HS6ST3: variants seen among roughly 807,000 people sequenced by gnomAD.
HS6ST3 encodes the protein heparan-sulfate 6-O-sulfotransferase 3.
Under a neutral mutation model 36.7 loss-of-function variants are expected in HS6ST3, and 12 were observed. The observed-to-expected ratio is 0.33, with a 90% CI of 0.21 to 0.53. The LOEUF (loss-of-function observed/expected upper bound fraction) is 0.53. HS6ST3 is among the 20% of genes least tolerant of loss of function. The pLI is 0.95. For missense variants in HS6ST3, 584 were observed against 640.9 expected (o/e 0.91, Z 0.96); for synonymous variants, 240 against 257.5 (o/e 0.93, Z 0.65).
chr13:96,718,167 C>A (rs971403145), intron 1 of HS6ST3, among the ~76,000 whole-genome samples: 1 of 152,268 alleles, frequency 6.6e-6, no homozygotes, highest in Middle Eastern at 3.4e-3. Flanking sequence ...GTACTTATTG[C>A]AGTGATTATT....
chr13:96,347,313 T>G (rs767306136), intron 1 of HS6ST3, among the ~76,000 whole-genome samples: 4 of 152,238 alleles, frequency 2.6e-5, no homozygotes, highest in Non-Finnish European at 5.9e-5. Flanking sequence ...CATATGGAGT[T>G]GCCAACAAAA....
At chr13:96,281,585 C>T (rs145312662) in intron 1 of HS6ST3, among the ~76,000 whole-genome samples, 1 of 152,118 alleles carries the variant, frequency 6.6e-6, no homozygotes, top group Non-Finnish European at 1.5e-5. Flanking sequence ...CATACTGTCA[C>T]CAGTCTGAAG....
chr13:96,557,623 T>C (rs2056245976), intron 1 of HS6ST3, among the ~76,000 whole-genome samples: 1 of 152,186 alleles, frequency 6.6e-6, no homozygotes, highest in Non-Finnish European at 1.5e-5. Flanking sequence ...ATATCTACAC[T>C]GAGGTCTCAT....
intron 1 of HS6ST3, among the ~76,000 whole-genome samples, chr13:96,097,614 T>C (rs1269397262): frequency 2.0e-5 from 3 of 152,046 alleles, no homozygotes; most frequent in East Asian, 1.9e-4. Flanking sequence ...TAATCACTTA[T>C]CTTGTTTTTG....
Position 96,712,495 on chromosome 13 carries a change from A to T in HS6ST3, c.708-119995A>T, listed in dbSNP as rs113344890. On this transcript the variant is annotated intron_variant, in intron 1 of 1. Transcript: ENST00000376705. Reference sequence around the variant, plus strand: ...ACTGAAGCAAAAGCATAGGGTCTCTATTATTCCAGGGTGGGGGTTCAAAGG... The same window carrying T: ...ACTGAAGCAAAAGCATAGGGTCTCTTTTATTCCAGGGTGGGGGTTCAAAGG... 7.5e-4 allele frequency among the ~76,000 whole-genome samples: 114 copies of T among 152,264 alleles called. 2 individuals carry two copies. The highest frequency in any genetic ancestry group is 2.6e-3 in the African/African-American group (108 of 41,564).
chr13:96,175,099 C>T (rs1197903162), intron 1 of HS6ST3, among the ~76,000 whole-genome samples: 1 of 152,148 alleles, frequency 6.6e-6, no homozygotes, highest in Non-Finnish European at 1.5e-5. Flanking sequence ...CTTAATTAGT[C>T]TTACCGTTTC....
At chr13:96,598,391 T>G (rs1187257018) in intron 1 of HS6ST3, among the ~76,000 whole-genome samples, 1 of 152,116 alleles carries the variant, frequency 6.6e-6, no homozygotes, top group Non-Finnish European at 1.5e-5. Flanking sequence ...TTTTACCTTC[T>G]TGGTTAGATA....
At chr13:96,804,673 A>G (rs1878156022) in intron 1 of HS6ST3, among the ~76,000 whole-genome samples, 1 of 151,886 alleles carries the variant, frequency 6.6e-6, no homozygotes. Context: ...CCTTCAGTGC[A>G]GTTTCTGTGC....
intron 1 of HS6ST3, among the ~76,000 whole-genome samples, chr13:96,181,803 A>C (rs2054241212): frequency 6.6e-6 from 1 of 152,204 alleles, no homozygotes; most frequent in South Asian, 2.1e-4. Context: ...CTAAACTAAA[A>C]AGAGCGTTTT....
At chr13:96,436,762 A>G (rs2055644658) in intron 1 of HS6ST3, among the ~76,000 whole-genome samples, 1 of 152,226 alleles carries the variant, frequency 6.6e-6, no homozygotes, top group East Asian at 1.9e-4. Context: ...CAAGAACTGT[A>G]TGGGCTGGCA....
chr13:96,523,699 T>C (rs936496054), intron 1 of HS6ST3, among the ~76,000 whole-genome samples: 1 of 152,188 alleles, frequency 6.6e-6, no homozygotes, highest in Non-Finnish European at 1.5e-5. Context: ...GTTCTTGTAC[T>C]GTGTTTTTCA....
At chr13:96,201,486 G>A (rs1419032564) in intron 1 of HS6ST3, among the ~76,000 whole-genome samples, 1 of 152,166 alleles carries the variant, frequency 6.6e-6, no homozygotes. Context: ...GGAGAGTTAT[G>A]TTTTCTGCCA....
At chr13:96,185,177 A>G (rs2054259587) in intron 1 of HS6ST3, among the ~76,000 whole-genome samples, 1 of 152,190 alleles carries the variant, frequency 6.6e-6, no homozygotes, top group African/African-American at 2.4e-5. Flanking sequence ...AGAGTCAGCC[A>G]TTTACCAATT....
At chr13:96,331,421 C>G (rs867749232) in intron 1 of HS6ST3, among the ~76,000 whole-genome samples, 6 of 152,146 alleles carry the variant, frequency 3.9e-5, no homozygotes, top group South Asian at 2.1e-4. Context: ...AGCTGCAGGT[C>G]TGTTGGAATA....
intron 1 of HS6ST3, among the ~76,000 whole-genome samples, chr13:96,658,824 G>A (rs900842583): frequency 4.6e-5 from 7 of 152,050 alleles, no homozygotes; most frequent in Non-Finnish European, 7.4e-5. Flanking sequence ...TCGTGCCTCA[G>A]CCTCCCAACT....
intron 1 of HS6ST3, among the ~76,000 whole-genome samples, chr13:96,716,615 C>T (rs1000372715): frequency 4.6e-5 from 7 of 151,640 alleles, no homozygotes; most frequent in African/African-American, 1.7e-4. Flanking sequence ...ATCTATCAAT[C>T]ATCTATCATC....
intron 1 of HS6ST3, among the ~76,000 whole-genome samples, chr13:96,750,107 T>C (rs185200235): frequency 8.0e-4 from 122 of 152,282 alleles, no homozygotes; most frequent in Non-Finnish European, 1.2e-3. Context: ...ACAAGTGAAA[T>C]AATCAAAAGT....
At chr13:96,494,881 C>T (rs922112090) in intron 1 of HS6ST3, among the ~76,000 whole-genome samples, 3 of 152,126 alleles carry the variant, frequency 2.0e-5, no homozygotes, top group African/African-American at 2.4e-5. Flanking sequence ...TCCTTTGAAT[C>T]TCTCCTTGAT....
chr13:96,125,703 AAT>A (rs141116973), intron 1 of HS6ST3, among the ~76,000 whole-genome samples: 3,029 of 152,056 alleles, frequency 0.02, 85 homozygotes, highest in African/African-American at 0.067. Flanking sequence ...TTTGTTATAA[AAT>A]ATATAAATTT....
Sources: gnomAD v4.1 joint callset for allele counts (sites outside exome capture counted in the v4.1 genomes callset) on GRCh38, gnomAD v4.1.1 for gene constraint, MANE v1.5 for transcripts, NCBI Gene and HGNC (gene_info 2026-07-23, HGNC 2026-07-21) for gene names.